The following ACVRL1 variants were observed in gnomAD, a reference collection of about 807,000 sequenced individuals.
ACVRL1 encodes activin A receptor like type 1, also known as activin receptor type-1-like.
Under a neutral mutation model 51.9 loss-of-function variants are expected in ACVRL1, and 20 were observed. The ratio of observed to expected loss-of-function variants is 0.39; its 90% CI spans 0.27 to 0.56. ACVRL1 has a LOEUF of 0.56. ACVRL1 is among the 20% of genes least tolerant of loss of function. The pLI is 0.67. For missense variants in ACVRL1, 451 were observed against 670.3 expected, an observed-to-expected ratio of 0.67 and a Z score of 3.61; for synonymous variants, 288 against 280.9, an observed-to-expected ratio of 1.03 and a Z score of -0.25.
At position 51,916,138 on chromosome 12, in the gene ACVRL1, A is replaced by G. The variant is rs1940834450; in HGVS notation, c.1151A>G (p.Gln384Arg). 6.2e-7 allele frequency: 1 copy of G among 1,614,056 alleles called. No individual in the cohort carries two copies. Among genetic ancestry groups the G allele is most frequent in the East Asian group, 2.2e-5 (1 of 44,876 alleles). Reference protein sequence around the residue: ...RYMAPEVLDEQIRTDCFESYK... With the variant: ...RYMAPEVLDERIRTDCFESYK... The stretch of plus-strand genomic sequence containing the variant: ...ATGGCACCCGAGGTGCTGGACGAGC[A>G]GATCCGCACGGACTGCTTTGAGTCC... The change falls in exon 8 of 10, where the codon CAG becomes CGG. Residue 384 changes from glutamine (Q) to arginine (R), a missense_variant. Gln to Arg is a conservative substitution (Grantham distance 43). Around this residue, in one of 2 missense-constraint regions of ACVRL1, gnomAD observed 259 missense variants for 453.4 expected, o/e 0.57. Coordinates refer to ENST00000388922, the MANE Select transcript of ACVRL1 (RefSeq NM_000020.3).
intron 7 of ACVRL1, chr12:51,915,712 G>A: frequency 2.6e-6 from 2 of 767,170 alleles, no homozygotes; most frequent in South Asian, 1.9e-5. Flanking sequence ...TCCAGGAGTT[G>A]GGAGAAAGGA....
At position 51,915,740 on chromosome 12, in the gene ACVRL1, T is replaced by C. The variant is rs997174268; in HGVS notation, c.1048+240T>C. On this transcript the variant is annotated intron_variant, in intron 7 of 9. Transcript: ENST00000388922. ...AGAAAGGAGGCAGGAGCCAGGAACC[T>C]GGGTTCTCATCCTGGTTTCGCCAGC... The C allele has an allele frequency of 8.8e-6, 6 of 679,510 alleles. No homozygotes were observed. The Middle Eastern group carries it at 1.2e-3, about 139-fold the overall frequency. 42.1% of individuals were successfully genotyped at this position (679,510 alleles called of 1,614,324 possible).
intron 9 of ACVRL1, among the ~76,000 whole-genome samples, chr12:51,919,604 G>A (rs775464669): frequency 6.6e-6 from 1 of 151,930 alleles, no homozygotes; most frequent in African/African-American, 2.4e-5. Flanking sequence ...TGTTGCTCAG[G>A]CTTATCTCAA....
upstream of ACVRL1, among the ~76,000 whole-genome samples, chr12:51,907,217 C>A (rs1397017806): frequency 6.6e-6 from 1 of 152,094 alleles, no homozygotes; most frequent in African/African-American, 2.4e-5. The surrounding 1 kb of genome is among the most constrained non-coding windows in gnomAD (Gnocchi z 4.5). Context: ...CCCACAGGAC[C>A]CCCACGGCCT....
chr12:51,912,603 A>C, intron 2 of ACVRL1, 68 bp downstream of exon 2: 2 of 1,362,724 alleles, frequency 1.5e-6, no homozygotes, highest in South Asian at 2.4e-5. Context: ...GGCCCAGATC[A>C]GCTCTGCCTG....
intron 9 of ACVRL1, among the ~76,000 whole-genome samples, chr12:51,920,076 T>TAC (rs1179920684): frequency 6.6e-6 from 1 of 152,202 alleles, no homozygotes; most frequent in Non-Finnish European, 1.5e-5. Context: ...TGCATTCCTG[T>TAC]ACACACACAC....
At position 51,915,389 on chromosome 12, in the gene ACVRL1, C is replaced by T; in HGVS notation, c.937C>T (p.Leu313=). 6.2e-7 allele frequency: 1 copy of T among 1,614,052 alleles called. No homozygotes were observed. The highest frequency in any genetic ancestry group is 1.7e-5 in the Admixed American group (1 of 60,034). ...AVSAACGLAH[L]HVEIFGTQGK... ...GTCCGCGGCATGCGGCCTGGCGCAC[C>T]TGCACGTGGAGATCTTCGGTACACA... Residue 313 remains leucine, a synonymous_variant, in exon 7 of 10, where the codon CTG becomes TTG. Transcript: ENST00000388922.
Position 51,920,931 on chromosome 12 carries a change from T to TGGGGGGTGGGGGGGGGG in ACVRL1, c.*44_*45insTGGGGGGGGGGGGGGGG. 6.9e-5 allele frequency: 14 copies of TGGGGGGTGGGGGGGGGG among 202,992 alleles called. No homozygotes were observed. The highest frequency in any genetic ancestry group is 4.1e-4 in the East Asian group (3 of 7,386). 12.6% of individuals were successfully genotyped at this position (202,992 alleles called of 1,614,324 possible). A position where few individuals can be genotyped will look rare whatever the true frequency, so the allele number is the denominator to read the frequency against. Reference sequence around the variant, plus strand: ...TGATTCCTTTCTGCCTGCAGGGGGCTGGGGGGGTGGGGGGCAGTGGATGGT... The same window carrying TGGGGGGTGGGGGGGGGG: ...TGATTCCTTTCTGCCTGCAGGGGGCTGGGGGGTGGGGGGGGGGGGGGGGGTGGGGGGCAGTGGATGGT... On this transcript the variant is annotated 3_prime_UTR_variant, in exon 10 of 10. Coordinates refer to ENST00000388922, the MANE Select transcript of ACVRL1 (RefSeq NM_000020.3).
upstream of ACVRL1, chr12:51,907,334 G>A (rs2139052954): frequency 6.6e-6 from 1 of 152,156 alleles, no homozygotes; most frequent in South Asian, 2.1e-4. This position sits in a 1 kb window ranked among gnomAD's most constrained non-coding sequence, Gnocchi z 4.5. Context: ...CCGCCCTGAG[G>A]GGCTGGGAGC....
intron 1 of ACVRL1, chr12:51,912,220 C>T: frequency 1.6e-6 from 1 of 612,968 alleles, no homozygotes; most frequent in South Asian, 1.9e-5. Context: ...GCTAGGGTTT[C>T]CCCAAGCTCT....
chr12:51,919,003 G>T lies in ACVRL1; in HGVS notation c.1265G>T (p.Arg422Ile). The change falls in exon 9 of 10, where the codon AGA becomes ATA. Residue 422 changes from arginine to isoleucine, a missense_variant. Arg to Ile is a moderately conservative substitution (Grantham distance 97). Coordinates refer to ENST00000388922, the MANE Select transcript of ACVRL1 (RefSeq NM_000020.3). ...TTTCCAGGCATCGTGGAGGACTATA[G>T]ACCACCCTTCTATGATGTGGTGCCC... ...TIVNGIVEDY[R>I]PPFYDVVPND... is the part of the protein sequence containing the mutation. 1 of 1,614,194 alleles carries T rather than the reference G, an allele frequency of 6.2e-7. No homozygotes were observed.
In ACVRL1 at chr12:51,921,044, CA is replaced by C; in HGVS notation, c.*156del. The C allele has an allele frequency of 1.1e-6, 1 of 942,932 alleles. No individual in the cohort carries two copies. The highest frequency in any genetic ancestry group is 1.6e-6 in the Non-Finnish European group (1 of 618,926). The allele number at this position is 942,932 out of a possible 1,614,324, so 58.4% of individuals were successfully genotyped here. A position where few individuals can be genotyped will look rare whatever the true frequency, so the allele number is the denominator to read the frequency against. ...CTGCTCGGCCCCCAGCCCACCCAGC[CA>C]AAAATACAGCTGGGCTGAAACCTGA... On this transcript the variant is annotated 3_prime_UTR_variant, in exon 10 of 10. Coordinates refer to ENST00000388922, the MANE Select transcript of ACVRL1 (RefSeq NM_000020.3).
chr12:51,918,953 A>T (rs746427769), intron 8 of ACVRL1, 32 bp from the exon 9 acceptor site: 1 of 1,614,194 alleles, frequency 6.2e-7, no homozygotes, highest in South Asian at 1.1e-5. Context: ...TTAGAGTCCC[A>T]AGTGATTGTC....
At chr12:51,918,053 G>A (rs942593307) in intron 8 of ACVRL1, among the ~76,000 whole-genome samples, 1 of 152,228 alleles carries the variant, frequency 6.6e-6, no homozygotes, top group Non-Finnish European at 1.5e-5. Flanking sequence ...TCGAGGTTGC[G>A]GCCTGTGTGG....
In ACVRL1 at chr12:51,912,513, G is replaced by A; in HGVS notation, c.39G>A (p.Leu13=). 2 of 1,613,970 alleles carry A rather than the reference G, an allele frequency of 1.2e-6. No individual in the cohort carries two copies. The highest frequency in any genetic ancestry group is 1.6e-4 in the Middle Eastern group (1 of 6,062). The change falls in exon 2 of 10, where the codon CTG becomes CTA. Residue 13 remains leucine, a synonymous_variant. Coordinates refer to ENST00000388922, the MANE Select transcript of ACVRL1 (RefSeq NM_000020.3). The stretch of plus-strand genomic sequence containing the variant: ...CCCCCAGGAAAGGCCTTCTGATGCT[G>A]CTGATGGCCTTGGTGACCCAGGGTG... The part of the protein sequence containing the change: ...LGSPRKGLLM[L]LMALVTQGDP...
intron 8 of ACVRL1, among the ~76,000 whole-genome samples, chr12:51,918,341 C>A (rs1940891250): frequency 1.3e-5 from 2 of 152,234 alleles, no homozygotes; most frequent in Admixed American, 6.5e-5. Flanking sequence ...CTGTCACTTA[C>A]TATCTGTTGA....
chr12:51,919,521 C>T (rs959606211), intron 9 of ACVRL1, among the ~76,000 whole-genome samples: 1 of 151,890 alleles, frequency 6.6e-6, no homozygotes, highest in Admixed American at 6.6e-5. Context: ...TCAGCCTCCC[C>T]AGTAGCTAGG....
rs764500987 is a variant in ACVRL1 at position 51,920,943 on chromosome 12, G to T, written c.*50G>T. The T allele has an allele frequency of 4.7e-6, 4 of 860,108 alleles. No individual in the cohort carries two copies. In the South Asian group the frequency reaches 5.7e-5, roughly 12 times the overall value. 53.3% of individuals were successfully genotyped at this position (860,108 alleles called of 1,614,324 possible). A position where few individuals can be genotyped will look rare whatever the true frequency, so the allele number is the denominator to read the frequency against. ...GCCTGCAGGGGGCTGGGGGGGTGGGGGGCAGTGGATGGTGCCCTATCTGGG... is the reference window on the plus strand; with the variant it reads ...GCCTGCAGGGGGCTGGGGGGGTGGGTGGCAGTGGATGGTGCCCTATCTGGG... On this transcript the variant is annotated 3_prime_UTR_variant, in exon 10 of 10. Transcript: ENST00000388922.
At chr12:51,910,059 C>T (rs929501180) in intron 1 of ACVRL1, among the ~76,000 whole-genome samples, 10 of 152,126 alleles carry the variant, frequency 6.6e-5, no homozygotes, top group South Asian at 2.1e-4. Flanking sequence ...TTGGACTGGT[C>T]GGGACTCAGC....
Sources: allele counts gnomAD v4.1 joint callset (sites outside exome capture counted in the v4.1 genomes callset), GRCh38; gene constraint gnomAD v4.1.1; regional missense constraint gnomAD v4.1.1; non-coding constraint Gnocchi (gnomAD v3.1); transcripts MANE v1.5; gene names NCBI Gene and HGNC (gene_info 2026-07-23, HGNC 2026-07-21).